SETBP1: variants seen among roughly 807,000 people sequenced by gnomAD.
SETBP1 encodes the protein SET-binding protein.
In SETBP1, 9 loss-of-function variants were observed where a neutral mutation model predicts 101.0. That is an observed-to-expected ratio of 0.09 (90% confidence interval 0.05 to 0.16). SETBP1 has a LOEUF of 0.16. Ranked by LOEUF, SETBP1 falls within the 10% of genes least tolerant of loss-of-function variation. The pLI, the probability that SETBP1 is intolerant of heterozygous loss-of-function variation, is 1.00. For synonymous variants in SETBP1, 818 were observed against 788.5 expected, an observed-to-expected ratio of 1.04 and a Z score of -0.63; for missense variants, 1,858 against 2,033.8, an observed-to-expected ratio of 0.91 and a Z score of 1.66.
In SETBP1 at chr18:44,802,968, G is replaced by A. The variant is rs192511344; in HGVS notation, c.487-66262G>A. Among the ~76,000 whole-genome samples, 23 of 152,232 alleles carry A rather than the reference G, an allele frequency of 1.5e-4. 1 individual carries two copies. Among genetic ancestry groups the A allele is most frequent in the Admixed American group, 5.9e-4 (9 of 15,284 alleles). ...TCAGAGGAAACCTGTAGGTATTTCT[G>A]TGGGTCATTTGGGCCTGGGTGTCCT... On this transcript the variant is annotated intron_variant, in intron 2 of 5. Coordinates refer to ENST00000649279, the MANE Select transcript of SETBP1 (RefSeq NM_015559.3).
chr18:44,883,431 T>G (rs1411485446), intron 3 of SETBP1, among the ~76,000 whole-genome samples: 3 of 152,194 alleles, frequency 2.0e-5, no homozygotes, highest in African/African-American at 2.4e-5. Context: ...AAGCATGCCA[T>G]TTTGAGAAAG....
chr18:44,838,694 A>G (rs1007449966), intron 2 of SETBP1, among the ~76,000 whole-genome samples: 1 of 152,196 alleles, frequency 6.6e-6, no homozygotes, highest in Non-Finnish European at 1.5e-5. Context: ...CCAATGGGGT[A>G]TGGGGTGGGC....
intron 4 of SETBP1, among the ~76,000 whole-genome samples, chr18:44,996,630 C>T (rs930276783): frequency 1.3e-5 from 2 of 152,218 alleles, no homozygotes; most frequent in East Asian, 1.9e-4. Flanking sequence ...TATGTTATCC[C>T]ATTTGTGCTT....
chr18:44,729,363 G>T (rs1488782702), intron 2 of SETBP1, among the ~76,000 whole-genome samples: 1 of 152,212 alleles, frequency 6.6e-6, no homozygotes, highest in Non-Finnish European at 1.5e-5. Flanking sequence ...ACGTAGGTGA[G>T]AAGTGAGAAA....
At chr18:44,893,579 C>T (rs1264580617) in intron 3 of SETBP1, among the ~76,000 whole-genome samples, 2 of 152,100 alleles carry the variant, frequency 1.3e-5, no homozygotes, top group African/African-American at 4.8e-5. Flanking sequence ...CCCGGTGTGG[C>T]CTTCCTGAAG....
intron 3 of SETBP1, among the ~76,000 whole-genome samples, chr18:44,916,446 T>C (rs1034026905): frequency 3.3e-5 from 5 of 152,172 alleles, no homozygotes; most frequent in South Asian, 4.1e-4. Context: ...CTGTCTTTCC[T>C]TTTTTTCTTT....
At chr18:44,949,458 C>A (rs1393243709) in intron 3 of SETBP1, among the ~76,000 whole-genome samples, 2 of 152,242 alleles carry the variant, frequency 1.3e-5, no homozygotes, top group Admixed American at 1.3e-4. Flanking sequence ...ATTTCAGATT[C>A]TCTCCTGGGA....
chr18:44,924,327 G>A (rs2070649373), intron 3 of SETBP1, among the ~76,000 whole-genome samples: 1 of 152,202 alleles, frequency 6.6e-6, no homozygotes, highest in Non-Finnish European at 1.5e-5. Flanking sequence ...AGGGCTTGGT[G>A]TAGAGTCAGT....
intron 2 of SETBP1, among the ~76,000 whole-genome samples, chr18:44,711,393 TTCC>T (rs1403103313): frequency 5.8e-4 from 85 of 145,806 alleles, no homozygotes; most frequent in African/African-American, 2.2e-3. Context: ...CTTCTTTTCC[TTCC>T]TCTCTCCCTT....
chr18:44,897,097 T>C (rs541925666), intron 3 of SETBP1, among the ~76,000 whole-genome samples: 4 of 152,282 alleles, frequency 2.6e-5, no homozygotes, highest in African/African-American at 9.6e-5. Context: ...TTCTGCCTTG[T>C]TGCAGAAAAG....
At chr18:44,779,422 ATG>A (rs2144673321) in intron 2 of SETBP1, among the ~76,000 whole-genome samples, 1 of 152,344 alleles carries the variant, frequency 6.6e-6, no homozygotes, top group South Asian at 2.1e-4. Flanking sequence ...CAAGAAACAC[ATG>A]TCATGCAGTA....
rs74902953 is a variant in SETBP1, at chr18:44,808,550, A to G, written c.487-60680A>G. Among the ~76,000 whole-genome samples, 193 of 152,260 alleles carry G rather than the reference A, an allele frequency of 1.3e-3. 2 individuals carry two copies. Among genetic ancestry groups the G allele is most frequent in the Non-Finnish European group, 3.2e-4 (22 of 68,012 alleles). Reference sequence around the variant, plus strand: ...TATAGAGTGAAAGGAGAGTAATTGTAAGAACACAGCACATGCGTCGACAGA... The same window carrying G: ...TATAGAGTGAAAGGAGAGTAATTGTGAGAACACAGCACATGCGTCGACAGA... On this transcript the variant is annotated intron_variant, in intron 2 of 5. Transcript: ENST00000649279.
At chr18:44,923,619 A>T (rs978934349) in intron 3 of SETBP1, among the ~76,000 whole-genome samples, 1 of 152,214 alleles carries the variant, frequency 6.6e-6, no homozygotes, top group African/African-American at 2.4e-5. Flanking sequence ...TTTGGGGGAA[A>T]AATTAAGTAG....
chr18:45,063,668 C>G lies in SETBP1; in HGVS notation c.4761C>G (p.Ser1587=). Residue 1587 remains serine (S), a synonymous_variant, in exon 6 of 6, where the codon TCC becomes TCG. Coordinates refer to ENST00000649279, the MANE Select transcript of SETBP1 (RefSeq NM_015559.3). ...TGAAAGCCAAAAGGCAGAGGAAGTC[C>G]CGAGGGAGTGAGAGCGAGGTCCTTC... ...EEVKAKRQRK[S]RGSESEVLP is the part of the protein sequence containing the mutation. 1.2e-6 allele frequency: 2 copies of G among 1,608,850 alleles called. No homozygotes were observed. Among genetic ancestry groups the G allele is most frequent in the Non-Finnish European group, 1.7e-6 (2 of 1,178,148 alleles).
intron 2 of SETBP1, among the ~76,000 whole-genome samples, chr18:44,754,100 G>A (rs542041217): frequency 6.0e-4 from 92 of 152,304 alleles, no homozygotes; most frequent in African/African-American, 2.2e-3. Flanking sequence ...TCTGTTCTAT[G>A]AGACAGCTTC....
intron 2 of SETBP1, among the ~76,000 whole-genome samples, chr18:44,866,120 C>T (rs531816504): frequency 6.6e-6 from 1 of 152,182 alleles, no homozygotes; most frequent in Non-Finnish European, 1.5e-5. Flanking sequence ...GCTTCTTTCC[C>T]TTTTATATTG....
In SETBP1 at chr18:45,063,296, G is replaced by C. The variant is rs1019850669; in HGVS notation, c.4389G>C (p.Gln1463His). 2.5e-6 allele frequency: 4 copies of C among 1,607,020 alleles called. No homozygotes were observed. Among genetic ancestry groups the C allele is most frequent in the Admixed American group, 3.4e-5 (2 of 59,092 alleles). ...GGCGTCCCAGGAAGCAGCCCACCCA[G>C]TTCGATGAGGACTCCAGAGACCAAA... ...RRGRPRKQPT[Q>H]FDEDSRDQMP... is the part of the protein sequence containing the mutation. Residue 1463 changes from glutamine to histidine, a missense_variant, in exon 6 of 6, where the codon CAG (glutamine) becomes CAC (histidine). Around this residue, in one of 12 missense-constraint regions of SETBP1, gnomAD observed 178 missense variants for 189.1 expected, o/e 0.94. Transcript: ENST00000649279.
At chr18:44,992,623 G>C (rs2072403008) in intron 4 of SETBP1, among the ~76,000 whole-genome samples, 2 of 151,978 alleles carry the variant, frequency 1.3e-5, no homozygotes, top group Admixed American at 6.5e-5. Context: ...CATAGCTTGG[G>C]AAAAGAATAT....
intron 2 of SETBP1, among the ~76,000 whole-genome samples, chr18:44,820,261 G>A (rs1035265518): frequency 4.6e-5 from 7 of 152,222 alleles, no homozygotes; most frequent in East Asian, 3.8e-4. Context: ...CCCTGTTTTA[G>A]GGCATTCATT....
Sources: allele counts gnomAD v4.1 joint callset (sites outside exome capture counted in the v4.1 genomes callset), GRCh38; gene constraint gnomAD v4.1.1; regional missense constraint gnomAD v4.1.1; transcripts MANE v1.5; gene names NCBI Gene and HGNC (gene_info 2026-07-23, HGNC 2026-07-21).